The following TEX48 variants were observed in gnomAD, a reference collection of about 807,000 sequenced individuals.
The protein encoded by TEX48 is testis expressed 48.
Under a neutral mutation model 13.2 loss-of-function variants are expected in TEX48, and 10 were observed. That is an observed-to-expected ratio of 0.75 (90% CI 0.47 to 1.28). The LOEUF is 1.28. TEX48 is among the 50% of genes most tolerant of loss of function. The pLI is 0.00. For missense variants in TEX48, 116 were observed against 139.4 expected (o/e 0.83, Z 0.84); for synonymous variants, 45 against 52.3 (o/e 0.86, Z 0.60).
chr9:114,669,576 G>A (rs1827908110), intron 3 of TEX48, among the ~76,000 whole-genome samples: 1 of 152,046 alleles, frequency 6.6e-6, no homozygotes, highest in Admixed American at 6.5e-5. Context: ...TGAATAGCTG[G>A]GATTACAGAC....
chr9:114,671,097 G>A (rs1827937018), intron 3 of TEX48, among the ~76,000 whole-genome samples: 1 of 152,158 alleles, frequency 6.6e-6, no homozygotes, highest in South Asian at 2.1e-4. Flanking sequence ...CTGTTAAAGT[G>A]CCAGTTCTGA....
intron 3 of TEX48, among the ~76,000 whole-genome samples, chr9:114,669,030 G>A (rs1827893928): frequency 6.6e-6 from 1 of 151,818 alleles, no homozygotes; most frequent in South Asian, 2.1e-4. Flanking sequence ...TGTAGGGAGC[G>A]GGAGTCTCAC....
chr9:114,672,544 C>T (rs931927030), intron 1 of TEX48, among the ~76,000 whole-genome samples: 8 of 152,184 alleles, frequency 5.3e-5, no homozygotes, highest in Non-Finnish European at 8.8e-5. Flanking sequence ...TAATTCACTT[C>T]GCTTTGTGAG....
chr9:114,678,894 A>C (rs1387689792), intron 1 of TEX48, among the ~76,000 whole-genome samples: 1 of 151,726 alleles, frequency 6.6e-6, no homozygotes, highest in Non-Finnish European at 1.5e-5. Flanking sequence ...AATGTTTAAG[A>C]GTAGCAGGAT....
At chr9:114,669,519 G>A (rs879835929) in intron 3 of TEX48, among the ~76,000 whole-genome samples, 60 of 151,404 alleles carry the variant, frequency 4.0e-4, no homozygotes, top group Middle Eastern at 3.4e-3. Flanking sequence ...TCGGCTCACC[G>A]CAACCTCCAC....
chr9:114,676,915 C>T (rs73559575), intron 1 of TEX48, among the ~76,000 whole-genome samples: 4,942 of 152,222 alleles, frequency 0.032, 283 homozygotes, highest in African/African-American at 0.11. Context: ...CGCGCCTGGC[C>T]TTTATTCACT....
chr9:114,672,915 G>A (rs538620296), intron 1 of TEX48, among the ~76,000 whole-genome samples: 1 of 152,218 alleles, frequency 6.6e-6, no homozygotes, highest in African/African-American at 2.4e-5. Context: ...ATTGGACAAA[G>A]CAAAAGCAAT....
rs1323687263 is a variant in TEX48, at chr9:114,671,758, G to T, written c.-35C>A. 14 of 1,535,354 alleles carry T rather than the reference G, an allele frequency of 9.1e-6. No individual in the cohort carries two copies. The Admixed American group carries it at 1.8e-4, about 19-fold the overall frequency. On this transcript the variant is annotated 5_prime_UTR_variant, in exon 2 of 5. Transcript: ENST00000436752. ...TTGAAACTTCTACTCTGCCAGCTTT[G>T]TCTGCAGGGGTGCCTTGTTGAATCA...
intron 1 of TEX48, among the ~76,000 whole-genome samples, chr9:114,681,711 A>G (rs1325475591): frequency 2.0e-5 from 3 of 152,078 alleles, no homozygotes; most frequent in African/African-American, 7.2e-5. Context: ...CAGAAACCAA[A>G]GAAGAGGGCC....
chr9:114,674,294 C>A (rs910825770), intron 1 of TEX48, among the ~76,000 whole-genome samples: 6 of 151,994 alleles, frequency 3.9e-5, no homozygotes, highest in Non-Finnish European at 5.9e-5. Context: ...TTCCATTTGC[C>A]CCCCCTGCTG....
At chr9:114,670,579 A>C (rs1365675465) in intron 3 of TEX48, among the ~76,000 whole-genome samples, 1 of 151,448 alleles carries the variant, frequency 6.6e-6, no homozygotes, top group African/African-American at 2.4e-5. Context: ...GAAGGTTTTG[A>C]TTACAAACTG....
intron 1 of TEX48, among the ~76,000 whole-genome samples, chr9:114,675,021 G>A (rs1828036957): frequency 6.6e-6 from 1 of 151,952 alleles, no homozygotes; most frequent in South Asian, 2.1e-4. Context: ...TTGAAGGTCT[G>A]CTTCTTCCCA....
rs1214785582 is a variant in TEX48, at chr9:114,682,035, C to G, written c.-105G>C. The G allele has an allele frequency of 1.3e-5, 2 of 152,422 alleles. No homozygotes were observed. The highest frequency in any genetic ancestry group is 4.8e-5 in the African/African-American group (2 of 41,456). 9.4% of individuals were successfully genotyped at this position (152,422 alleles called of 1,614,324 possible). On this transcript the variant is annotated splice_region_variant and 5_prime_UTR_variant, in exon 1 of 5. Transcript: ENST00000436752. ...GGTTTAAACTGTGAGCCCCACTCAC[C>G]TGCAGCTGGCAGAGTAGACAGAAGG...
chr9:114,675,815 G>A (rs1422369481), intron 1 of TEX48, among the ~76,000 whole-genome samples: 1 of 152,208 alleles, frequency 6.6e-6, no homozygotes, highest in East Asian at 1.9e-4. Context: ...ACAGCCATAA[G>A]AGATGCTGTA....
Position 114,675,568 on chromosome 9 carries a change from C to T in TEX48, c.-104-3741G>A, listed in dbSNP as rs918502958. On this transcript the variant is annotated intron_variant, in intron 1 of 4. Coordinates refer to ENST00000436752, the MANE Select transcript of TEX48 (RefSeq NM_001199233.2). ...GCCAATCCTTTGCCATTTCCTTCAC[C>T]GTAGTGTAAGCCACCATCACTTCTC... is the stretch of plus-strand genomic sequence containing the variant. Among the ~76,000 whole-genome samples, 9 of 152,160 alleles carry T rather than the reference C, an allele frequency of 5.9e-5. 1 individual carries two copies. The highest frequency in any genetic ancestry group is 4.1e-4 in the South Asian group (2 of 4,826).
intron 1 of TEX48, among the ~76,000 whole-genome samples, chr9:114,675,156 G>A (rs1828038996): frequency 6.6e-6 from 1 of 152,202 alleles, no homozygotes; most frequent in South Asian, 2.1e-4. Flanking sequence ...TAAAAATTGA[G>A]GGTGTTTGTA....
At chr9:114,681,628 A>C (rs1173217326) in intron 1 of TEX48, among the ~76,000 whole-genome samples, 2 of 152,166 alleles carry the variant, frequency 1.3e-5, no homozygotes, top group African/African-American at 4.8e-5. Context: ...TCTGATGCTG[A>C]TGAATATGTA....
At chr9:114,670,828 G>T (rs77225908) in intron 3 of TEX48, among the ~76,000 whole-genome samples, 3,725 of 152,248 alleles carry the variant, frequency 0.024, 65 homozygotes, top group Admixed American at 0.037. Flanking sequence ...TGCATGTTGA[G>T]TGCCTACTCT....
chr9:114,668,076 G>A (rs1258239650), intron 4 of TEX48, 130 bp downstream of exon 4: 3 of 1,180,114 alleles, frequency 2.5e-6, no homozygotes, highest in Middle Eastern at 2.8e-4. Flanking sequence ...ATATGACTGG[G>A]GCTGCTTGAT....
Sources: allele counts gnomAD v4.1 joint callset (sites outside exome capture counted in the v4.1 genomes callset), GRCh38; gene constraint gnomAD v4.1.1; transcripts MANE v1.5; gene names NCBI Gene and HGNC (gene_info 2026-07-23, HGNC 2026-07-21).